Variants in MRC1 observed in about 807,000 individuals in gnomAD.
MRC1 encodes the protein macrophage mannose receptor 1.
Under a neutral mutation model 102.9 loss-of-function variants are expected in MRC1, and 62 were observed. The observed-to-expected ratio is 0.60, with a 90% CI of 0.49 to 0.74. The LOEUF is 0.74. Among genes scored for constraint, MRC1 ranks in the 30% least tolerant of loss-of-function variants. The pLI is 0.00. For missense variants in MRC1, 1,237 were observed against 862.8 expected (o/e 1.43, Z -5.43); for synonymous variants, 457 against 298.4 (o/e 1.53, Z -5.48).
At chr10:17,875,360 C>T (rs904554058) in intron 17 of MRC1, 107 bp downstream of exon 17, 6 of 740,864 alleles carry the variant, frequency 8.1e-6, no homozygotes, top group African/African-American at 7.0e-5. Context: ...TTTTGGTACA[C>T]CCGTCACCTG....
At chr10:17,824,420 G>A (rs1239288439) in intron 2 of MRC1, among the ~76,000 whole-genome samples, 1 of 152,190 alleles carries the variant, frequency 6.6e-6, no homozygotes, top group Non-Finnish European at 1.5e-5. Flanking sequence ...GGGCTACTAA[G>A]ATTGGTTGAA....
intron 9 of MRC1, among the ~76,000 whole-genome samples, chr10:17,859,675 A>G (rs1833148866): frequency 6.6e-6 from 1 of 152,032 alleles, no homozygotes; most frequent in African/African-American, 2.4e-5. Context: ...ATCTCCCCAA[A>G]TGTCACAGTC....
intron 12 of MRC1, among the ~76,000 whole-genome samples, chr10:17,867,364 C>CCTTCTTCTTCTT (rs782794499): frequency 1.9e-3 from 267 of 141,352 alleles, no homozygotes; most frequent in African/African-American, 7.0e-3. Flanking sequence ...TTCTCCTTCT[C>CCTTCTTCTTCTT]CTTCTTCTTC....
At chr10:17,873,637 G>A (rs1047436768) in intron 15 of MRC1, 147 bp from the exon 16 acceptor site, 12 of 719,382 alleles carry the variant, frequency 1.7e-5, no homozygotes, top group Middle Eastern at 2.8e-4. Flanking sequence ...ACAACATGAC[G>A]TGCAAATAGG....
At chr10:17,847,173 A>C (rs1224041070) in intron 6 of MRC1, among the ~76,000 whole-genome samples, 1 of 151,842 alleles carries the variant, frequency 6.6e-6, no homozygotes, top group African/African-American at 2.4e-5. Context: ...CTTTTTTGGA[A>C]GCCTTCATTA....
chr10:17,885,073 A>G (rs2130697441), intron 21 of MRC1, among the ~76,000 whole-genome samples, 196 bp from the exon 22 acceptor site: 1 of 152,346 alleles, frequency 6.6e-6, no homozygotes, highest in South Asian at 2.1e-4. Context: ...ATTGTATGAA[A>G]CTTTTCAAAG....
intron 1 of MRC1, among the ~76,000 whole-genome samples, chr10:17,821,096 G>T (rs905086235): frequency 2.0e-5 from 3 of 152,274 alleles, no homozygotes; most frequent in Non-Finnish European, 2.9e-5. Flanking sequence ...AGAGGCAGGT[G>T]TCTGGATCCA....
chr10:17,854,568 A>G (rs1345862557), intron 8 of MRC1, among the ~76,000 whole-genome samples: 1 of 152,200 alleles, frequency 6.6e-6, no homozygotes, highest in Non-Finnish European at 1.5e-5. Context: ...TCGGAGGGGT[A>G]AAACCAAAGT....
Position 17,864,827 on chromosome 10 carries a change from C to CAAAAA in MRC1, c.1783+1163_1783+1167dup, listed in dbSNP as rs34931364. On this transcript the variant is annotated intron_variant, in intron 11 of 29. Transcript: ENST00000569591. Reference sequence around the variant, plus strand: ...CTGGGTGACAAGAACAAAACTCCATCAAAAAAAAAAAAAAAAAAAAAAGCA... The same window carrying CAAAAA: ...CTGGGTGACAAGAACAAAACTCCATCAAAAAAAAAAAAAAAAAAAAAAAAAAAGCA... 2.5e-3 allele frequency among the ~76,000 whole-genome samples: 198 copies of CAAAAA among 80,530 alleles called. 3 individuals are homozygous for CAAAAA. The highest frequency in any genetic ancestry group is 8.4e-3 in the African/African-American group (176 of 20,932). The allele number at this position is 80,530 out of a possible 152,430, so 52.8% of individuals were successfully genotyped here.
intron 4 of MRC1, among the ~76,000 whole-genome samples, chr10:17,838,520 C>T (rs1386451763): frequency 2.7e-5 from 4 of 150,620 alleles, no homozygotes; most frequent in Admixed American, 6.7e-5. Context: ...TACCAGTTTC[C>T]TTTGGTACTG....
At chr10:17,855,599 A>AAAAAAG (rs1833076828) in intron 8 of MRC1, among the ~76,000 whole-genome samples, 1 of 140,610 alleles carries the variant, frequency 7.1e-6, no homozygotes, top group African/African-American at 2.7e-5. Context: ...AAAAAAAAAG[A>AAAAAAG]GGCTGCATGC....
At chr10:17,817,035 A>C (rs1838322634) in intron 1 of MRC1, among the ~76,000 whole-genome samples, 1 of 151,898 alleles carries the variant, frequency 6.6e-6, no homozygotes, top group Non-Finnish European at 1.5e-5. Context: ...ATCACTTGAG[A>C]TCAGGAGTTC....
intron 19 of MRC1, among the ~76,000 whole-genome samples, chr10:17,880,121 C>G (rs1833493816): frequency 6.6e-6 from 1 of 152,174 alleles, no homozygotes; most frequent in African/African-American, 2.4e-5. Flanking sequence ...TTATTTCTCT[C>G]TGGCTCCTTA....
chr10:17,877,865 CTAAAT>C lies in MRC1; in HGVS notation c.2551-30_2551-26del, dbSNP rs1833458371. ...TTAAGAACTTCCTGATTGTGTGATT[CTAAAT>C]TAAACTATACGTAAACTTCCATGTT... On this transcript the variant is annotated intron_variant, in intron 17 of 29. Transcript: ENST00000569591. 1.0e-5 allele frequency: 9 copies of C among 871,564 alleles called. No individual in the cohort carries two copies. The Admixed American group carries it at 1.5e-4, about 15-fold the overall frequency. 54.0% of individuals were successfully genotyped at this position (871,564 alleles called of 1,614,324 possible).
At chr10:17,878,811 C>T (rs1042682741) in intron 18 of MRC1, among the ~76,000 whole-genome samples, 3 of 152,116 alleles carry the variant, frequency 2.0e-5, no homozygotes, top group Non-Finnish European at 4.4e-5. Context: ...GACGGACATG[C>T]ACCACCATAC....
At chr10:17,894,035 G>A (rs932690559) in intron 22 of MRC1, among the ~76,000 whole-genome samples, 175 bp from the exon 23 acceptor site, 2 of 152,172 alleles carry the variant, frequency 1.3e-5, no homozygotes, top group African/African-American at 2.4e-5. Context: ...TGGAGGATAT[G>A]CATAGTAGGT....
intron 15 of MRC1, among the ~76,000 whole-genome samples, chr10:17,872,758 T>C (rs1286738295): frequency 6.6e-6 from 1 of 152,316 alleles, no homozygotes; most frequent in Admixed American, 6.5e-5. Context: ...CATATTCAAG[T>C]CAGGCCAGAG....
intron 26 of MRC1, among the ~76,000 whole-genome samples, chr10:17,904,231 CTTTA>C (rs1166691370): frequency 6.6e-6 from 1 of 152,062 alleles, no homozygotes; most frequent in African/African-American, 2.4e-5. Context: ...TATTGATGCT[CTTTA>C]TTTCTTTGTG....
chr10:17,842,420 G>A lies in MRC1; in HGVS notation c.916+1614G>A, dbSNP rs946850349. Among the ~76,000 whole-genome samples the A allele has an allele frequency of 2.3e-4, 35 of 152,230 alleles. 1 individual carries two copies. Among genetic ancestry groups the A allele is most frequent in the Admixed American group, 5.2e-4 (8 of 15,276 alleles). On this transcript the variant is annotated intron_variant, in intron 5 of 29. Coordinates refer to ENST00000569591, the MANE Select transcript of MRC1 (RefSeq NM_002438.4). ...TACTCTGAAATTCCAGTTTCAAAGCGTTACTTCAACATATGATGGTTACAG... is the reference window on the plus strand; with the variant it reads ...TACTCTGAAATTCCAGTTTCAAAGCATTACTTCAACATATGATGGTTACAG...
Sources: allele counts gnomAD v4.1 joint callset (sites outside exome capture counted in the v4.1 genomes callset), GRCh38; gene constraint gnomAD v4.1.1; transcripts MANE v1.5; gene names NCBI Gene and HGNC (gene_info 2026-07-23, HGNC 2026-07-21).